GOLGA5: variants seen among roughly 807,000 people sequenced by gnomAD.
GOLGA5 encodes the protein golgin A5.
GOLGA5 carries 50 observed loss-of-function variants against 93.5 expected under a neutral mutation model. That is an observed-to-expected ratio of 0.53 (90% CI 0.43 to 0.68). The LOEUF (loss-of-function observed/expected upper bound fraction) is 0.68, where lower values mean the gene tolerates loss of function less well. GOLGA5 is among the 30% of genes least tolerant of loss of function. The probability of loss-of-function intolerance (pLI) is 0.00; values close to 1 mark genes in which losing one functional copy is unlikely to be tolerated. For missense variants in GOLGA5, 760 were observed against 856.4 expected (o/e 0.89, Z 1.40); for synonymous variants, 312 against 304.5 (o/e 1.02, Z -0.26).
At chr14:92,798,576 A>C (rs976216031) in intron 2 of GOLGA5, among the ~76,000 whole-genome samples, 1 of 152,192 alleles carries the variant, frequency 6.6e-6, no homozygotes, top group Non-Finnish European at 1.5e-5. Context: ...GTGAAATGAG[A>C]TTAACGTGGT....
chr14:92,814,846 A>C (rs1359444534), intron 6 of GOLGA5, among the ~76,000 whole-genome samples: 1 of 152,170 alleles, frequency 6.6e-6, no homozygotes, highest in African/African-American at 2.4e-5. Flanking sequence ...GGGGTCAGAA[A>C]ACATTGAGAG....
intron 2 of GOLGA5, among the ~76,000 whole-genome samples, chr14:92,806,368 G>A (rs1211993063): frequency 1.3e-5 from 2 of 152,124 alleles, no homozygotes; most frequent in African/African-American, 2.4e-5. Flanking sequence ...GGAGTGCAGT[G>A]GTGCAATCTT....
intron 8 of GOLGA5, among the ~76,000 whole-genome samples, chr14:92,822,425 T>C (rs1324484651): frequency 6.6e-6 from 1 of 152,224 alleles, no homozygotes; most frequent in East Asian, 1.9e-4. Flanking sequence ...TGTATTTCAG[T>C]GATTTGGACA....
intron 9 of GOLGA5, among the ~76,000 whole-genome samples, chr14:92,824,913 A>G (rs758409049): frequency 4.6e-5 from 7 of 152,226 alleles, no homozygotes; most frequent in Admixed American, 3.9e-4. Flanking sequence ...CAGACCTTTG[A>G]CATCAGTGTG....
At chr14:92,795,730 T>TA (rs869284676) in intron 1 of GOLGA5, among the ~76,000 whole-genome samples, 35 of 67,314 alleles carry the variant, frequency 5.2e-4, no homozygotes, top group South Asian at 3.6e-3. Context: ...AGAAGCATGT[T>TA]AAAAAAATAC....
chr14:92,819,956 T>G, intron 8 of GOLGA5, 120 bp downstream of exon 8: 1 of 885,644 alleles, frequency 1.1e-6, no homozygotes, highest in Non-Finnish European at 1.7e-6. Context: ...ACCCCACAAG[T>G]TCCTCCTGCC....
chr14:92,834,126 T>A (rs1165220195), intron 10 of GOLGA5, among the ~76,000 whole-genome samples: 1 of 151,716 alleles, frequency 6.6e-6, no homozygotes, highest in Non-Finnish European at 1.5e-5. Flanking sequence ...TAATAAAATT[T>A]TCCTGACCAT....
intron 7 of GOLGA5, among the ~76,000 whole-genome samples, chr14:92,817,492 A>C (rs1321771947): frequency 6.6e-6 from 1 of 152,160 alleles, no homozygotes; most frequent in African/African-American, 2.4e-5. Flanking sequence ...CCTTATTCTT[A>C]TAATTTATAG....
chr14:92,825,593 G>A (rs1337289492), intron 9 of GOLGA5, among the ~76,000 whole-genome samples: 2 of 152,198 alleles, frequency 1.3e-5, no homozygotes, highest in African/African-American at 4.8e-5. Flanking sequence ...AGGTGAGGTA[G>A]TTCATGCTTG....
chr14:92,806,663 C>T (rs1884992658), intron 2 of GOLGA5, 73 bp from the exon 3 acceptor site: 1 of 990,790 alleles, frequency 1.0e-6, no homozygotes, highest in Non-Finnish European at 1.6e-6. Flanking sequence ...CTTGAGCATC[C>T]TACCAAAGCA....
intron 7 of GOLGA5, 105 bp downstream of exon 7, chr14:92,816,526 CT>C (rs1885209861): frequency 8.8e-6 from 7 of 796,088 alleles, no homozygotes; most frequent in African/African-American, 5.0e-5. Context: ...TTTCTCGCTT[CT>C]CTTCGCTTCG....
At chr14:92,801,761 AT>A (rs945067262) in intron 2 of GOLGA5, among the ~76,000 whole-genome samples, 6 of 151,346 alleles carry the variant, frequency 4.0e-5, no homozygotes, top group Non-Finnish European at 7.4e-5. Flanking sequence ...CCATAGGGAA[AT>A]CAGCTATTCT....
intron 7 of GOLGA5, among the ~76,000 whole-genome samples, chr14:92,818,460 C>CT (rs1885252303): frequency 6.6e-6 from 1 of 152,224 alleles, no homozygotes; most frequent in South Asian, 2.1e-4. Flanking sequence ...CCTAGTCTAA[C>CT]TCCAGGACAT....
intron 9 of GOLGA5, 118 bp from the exon 10 acceptor site, chr14:92,833,004 A>G: frequency 2.9e-6 from 2 of 680,172 alleles, no homozygotes; most frequent in South Asian, 3.4e-5. Context: ...TTGAGTCAGT[A>G]TAGAGTTTTG....
chr14:92,835,535 TA>T (rs1274009463), intron 10 of GOLGA5, 23 bp from the exon 11 acceptor site: 1 of 1,455,980 alleles, frequency 6.9e-7, no homozygotes, highest in Non-Finnish European at 9.6e-7. Flanking sequence ...GTCAGTACAC[TA>T]ATTTATTTTC....
At chr14:92,834,765 T>TAATA (rs1885605244) in intron 10 of GOLGA5, among the ~76,000 whole-genome samples, 1 of 152,144 alleles carries the variant, frequency 6.6e-6, no homozygotes, top group African/African-American at 2.4e-5. Flanking sequence ...ACTTGCACCT[T>TAATA]AATAGGCTGC....
At chr14:92,806,633 GT>G in intron 2 of GOLGA5, 102 bp from the exon 3 acceptor site, 1 of 772,406 alleles carries the variant, frequency 1.3e-6, no homozygotes, top group Non-Finnish European at 2.2e-6. Context: ...TTTTTATGGT[GT>G]TTTAGCTGTA....
At chr14:92,798,594 G>A (rs1048453561) in intron 2 of GOLGA5, among the ~76,000 whole-genome samples, 8 of 152,216 alleles carry the variant, frequency 5.3e-5, no homozygotes, top group Admixed American at 3.3e-4. Flanking sequence ...GGTAAATGTG[G>A]CTAATTCAAG....
chr14:92,821,494 G>A (rs376071022), intron 8 of GOLGA5, among the ~76,000 whole-genome samples: 1 of 152,042 alleles, frequency 6.6e-6, no homozygotes, highest in East Asian at 1.9e-4. Flanking sequence ...TTTACTAAGT[G>A]ACAACATTGT....
Sources: allele counts gnomAD v4.1 joint callset (sites outside exome capture counted in the v4.1 genomes callset), GRCh38; gene constraint gnomAD v4.1.1; transcripts MANE v1.5; gene names NCBI Gene and HGNC (gene_info 2026-07-23, HGNC 2026-07-21).